NTM: variants seen among roughly 807,000 people sequenced by gnomAD.
The protein encoded by NTM is IgLON family member 2.
A neutral mutation model predicts 42.1 loss-of-function variants in NTM; 13 were observed. That is an observed-to-expected ratio of 0.31 (90% confidence interval 0.20 to 0.49). The LOEUF (loss-of-function observed/expected upper bound fraction) is 0.49, where lower values mean the gene tolerates loss of function less well. Among genes scored for constraint, NTM ranks in the 20% least tolerant of loss-of-function variants. NTM has a pLI of 0.99. For synonymous variants in NTM, 187 were observed against 179.2 expected, an observed-to-expected ratio of 1.04 and a Z score of -0.35; for missense variants, 373 against 452.8, an observed-to-expected ratio of 0.82 and a Z score of 1.60.
chr11:131,982,420 GA>G (rs1199408718), intron 2 of NTM, among the ~76,000 whole-genome samples: 3 of 152,148 alleles, frequency 2.0e-5, no homozygotes, highest in East Asian at 1.9e-4. Flanking sequence ...GCGATGGCAG[GA>G]ATGGAGAGAC....
chr11:132,092,313 T>C (rs1439153124), intron 2 of NTM, among the ~76,000 whole-genome samples: 1 of 152,224 alleles, frequency 6.6e-6, no homozygotes, highest in East Asian at 1.9e-4. Flanking sequence ...CTGCATTTAG[T>C]CCTTCCTCAG....
intron 4 of NTM, among the ~76,000 whole-genome samples, chr11:132,278,709 C>T (rs2093833276): frequency 6.6e-6 from 1 of 151,130 alleles, no homozygotes; most frequent in African/African-American, 2.4e-5. Context: ...CAGTTCTCCT[C>T]CTTTGGAATG....
chr11:131,475,182 A>G (rs1952801387), intron 1 of NTM, among the ~76,000 whole-genome samples: 1 of 152,180 alleles, frequency 6.6e-6, no homozygotes, highest in Admixed American at 6.5e-5. Flanking sequence ...TGAGGAAGTA[A>G]CTTTTGCAAA....
At chr11:131,908,964 A>G (rs746445762) in intron 1 of NTM, among the ~76,000 whole-genome samples, 1 of 152,258 alleles carries the variant, frequency 6.6e-6, no homozygotes, top group Non-Finnish European at 1.5e-5. Flanking sequence ...GACGATTGAT[A>G]GTTTTGGTGT....
intron 1 of NTM, among the ~76,000 whole-genome samples, chr11:131,505,237 T>C (rs986477500): frequency 6.6e-6 from 1 of 152,184 alleles, no homozygotes; most frequent in African/African-American, 2.4e-5. Flanking sequence ...AAATGCTCTT[T>C]AATCTGTGGT....
chr11:131,777,989 G>C (rs918238694), intron 1 of NTM, among the ~76,000 whole-genome samples: 4 of 152,194 alleles, frequency 2.6e-5, no homozygotes, highest in African/African-American at 9.7e-5. Context: ...GGGAAGGAAA[G>C]TAACTATCCC....
chr11:131,541,364 C>T (rs1322320775), intron 1 of NTM, among the ~76,000 whole-genome samples: 1 of 152,188 alleles, frequency 6.6e-6, no homozygotes, highest in Non-Finnish European at 1.5e-5. Flanking sequence ...CTAGCTTTTC[C>T]TGGATGCCCT....
At chr11:131,476,106 C>A (rs1347498617) in intron 1 of NTM, among the ~76,000 whole-genome samples, 1 of 149,314 alleles carries the variant, frequency 6.7e-6, no homozygotes, top group Non-Finnish European at 1.5e-5. Flanking sequence ...CCTGTGTATT[C>A]TTCTTAGTCT....
At position 132,212,229 on chromosome 11, in the gene NTM, T is replaced by C. The variant is rs2082973027; in HGVS notation, c.526+82T>C. ...TTTGGTAGGAGGTTATGGGTGCTGA[T>C]ACCTACTCCAGAGGAGTCTACGTTT... On this transcript the variant is annotated intron_variant, in intron 4 of 8. Transcript: ENST00000683400. The C allele has an allele frequency of 8.8e-6, 10 of 1,137,370 alleles. No individual in the cohort carries two copies. In the Admixed American group the frequency reaches 1.8e-4, roughly 21 times the overall value. The allele number at this position is 1,137,370 out of a possible 1,614,324, so 70.5% of individuals were successfully genotyped here. A position where few individuals can be genotyped will look rare whatever the true frequency, so the allele number is the denominator to read the frequency against.
chr11:132,100,678 C>T (rs990236314), intron 2 of NTM, among the ~76,000 whole-genome samples: 1 of 152,184 alleles, frequency 6.6e-6, no homozygotes, highest in East Asian at 1.9e-4. Flanking sequence ...TTGCTGTCTT[C>T]GGAAAGGCTT....
At chr11:131,588,092 C>T (rs1020843559) in intron 1 of NTM, among the ~76,000 whole-genome samples, 9 of 149,338 alleles carry the variant, frequency 6.0e-5, no homozygotes, top group East Asian at 2.0e-4. Context: ...TTACTAAAAG[C>T]GTCCCCATTT....
intron 2 of NTM, among the ~76,000 whole-genome samples, chr11:132,070,991 G>A (rs1160827004): frequency 1.4e-5 from 2 of 141,268 alleles, no homozygotes; most frequent in African/African-American, 5.2e-5. Flanking sequence ...ACACAGCCAA[G>A]TTAACACGTC....
intron 3 of NTM, among the ~76,000 whole-genome samples, chr11:132,180,756 C>T (rs1428553648): frequency 6.6e-6 from 1 of 152,030 alleles, no homozygotes; most frequent in East Asian, 1.9e-4. Flanking sequence ...GTTGGTGGTT[C>T]AGCTCACCAC....
At chr11:131,434,033 T>A (rs958017657) in intron 1 of NTM, among the ~76,000 whole-genome samples, 4 of 152,166 alleles carry the variant, frequency 2.6e-5, no homozygotes, top group African/African-American at 9.7e-5. Context: ...CACCTATGAG[T>A]GAGAACATGC....
chr11:131,674,600 T>C (rs1424123706), intron 1 of NTM, among the ~76,000 whole-genome samples: 1 of 152,240 alleles, frequency 6.6e-6, no homozygotes, highest in Non-Finnish European at 1.5e-5. Context: ...AAGTCATTCA[T>C]TGCTATGATT....
intron 1 of NTM, among the ~76,000 whole-genome samples, chr11:131,693,215 C>T (rs1001247198): frequency 6.6e-5 from 10 of 152,004 alleles, no homozygotes; most frequent in Non-Finnish European, 1.3e-4. Flanking sequence ...AGGCTGACTG[C>T]GAGTGGGGCA....
chr11:131,951,534 A>T (rs947889474), intron 2 of NTM, among the ~76,000 whole-genome samples: 1 of 152,174 alleles, frequency 6.6e-6, no homozygotes, highest in African/African-American at 2.4e-5. Flanking sequence ...AGTGGTCTGG[A>T]TTCTGGAGAT....
chr11:131,780,639 C>T (rs2087911463), intron 1 of NTM, among the ~76,000 whole-genome samples: 1 of 152,144 alleles, frequency 6.6e-6, no homozygotes, highest in Non-Finnish European at 1.5e-5. Flanking sequence ...CTTGACACTT[C>T]TATACTCAAG....
chr11:131,713,212 G>T (rs1039935397), intron 1 of NTM, among the ~76,000 whole-genome samples: 44 of 152,086 alleles, frequency 2.9e-4, no homozygotes, highest in African/African-American at 9.9e-4. Flanking sequence ...CGGAAACATG[G>T]TTAAGTACAT....
Sources: allele counts gnomAD v4.1 joint callset (sites outside exome capture counted in the v4.1 genomes callset), GRCh38; gene constraint gnomAD v4.1.1; transcripts MANE v1.5; gene names NCBI Gene and HGNC (gene_info 2026-07-23, HGNC 2026-07-21).